The following DPP6 variants were observed in gnomAD, a reference collection of about 807,000 sequenced individuals.
DPP6 encodes the protein A-type potassium channel modulatory protein DPP6.
Under a neutral mutation model 122.6 loss-of-function variants are expected in DPP6, and 69 were observed. The ratio of observed to expected loss-of-function variants is 0.56; its 90% CI spans 0.46 to 0.69. The LOEUF (loss-of-function observed/expected upper bound fraction) is 0.69, where lower values mean the gene tolerates loss of function less well. DPP6 is among the 30% of genes least tolerant of loss of function. The probability of loss-of-function intolerance (pLI) is 0.00; values close to 1 mark genes in which losing one functional copy is unlikely to be tolerated. For synonymous variants in DPP6, 418 were observed against 433.1 expected, an observed-to-expected ratio of 0.97 and a Z score of 0.43; for missense variants, 928 against 1,116.9, an observed-to-expected ratio of 0.83 and a Z score of 2.41.
At chr7:154,040,856 C>G (rs1361161391) in intron 1 of DPP6, among the ~76,000 whole-genome samples, 1 of 149,176 alleles carries the variant, frequency 6.7e-6, no homozygotes, top group Non-Finnish European at 1.5e-5. Flanking sequence ...CCTCCTGCCC[C>G]GGGAAGAGGA....
intron 5 of DPP6, among the ~76,000 whole-genome samples, chr7:154,619,257 G>T (rs987231600): frequency 6.6e-6 from 1 of 152,166 alleles, no homozygotes; most frequent in Non-Finnish European, 1.5e-5. Flanking sequence ...CCATGTTCAT[G>T]ACTCCAAAGG....
intron 1 of DPP6, among the ~76,000 whole-genome samples, chr7:153,990,388 A>G (rs2129041975): frequency 1.6e-5 from 1 of 63,612 alleles, no homozygotes; most frequent in East Asian, 3.6e-4. Context: ...AGCAGAGAGA[A>G]CAATTTAAAT....
chr7:153,905,355 T>G (rs1194517410), intron 1 of DPP6, among the ~76,000 whole-genome samples: 1 of 150,260 alleles, frequency 6.7e-6, no homozygotes, highest in Non-Finnish European at 1.5e-5. Flanking sequence ...GGAGGGGGAG[T>G]GGGGAGAAAT....
intron 3 of DPP6, among the ~76,000 whole-genome samples, chr7:154,526,734 T>C (rs997740904): frequency 2.0e-5 from 3 of 152,200 alleles, no homozygotes; most frequent in Non-Finnish European, 4.4e-5. Context: ...TGATTCTTCT[T>C]ATAACTTGCC....
Position 154,879,383 on chromosome 7 carries a change from A to G in DPP6, c.2079-1505A>G, listed in dbSNP as rs1365326748. 7.2e-5 allele frequency among the ~76,000 whole-genome samples: 9 copies of G among 124,908 alleles called. 1 individual carries two copies. The highest frequency in any genetic ancestry group is 4.0e-3 in the Middle Eastern group (1 of 252). The allele number at this position is 124,908 out of a possible 152,430, so 81.9% of individuals were successfully genotyped here. On this transcript the variant is annotated intron_variant, in intron 20 of 25. Coordinates refer to ENST00000377770, the MANE Select transcript of DPP6 (RefSeq NM_130797.4). ...ATCACGAGGTCAGGAGATCGAGACC[A>G]TCCTGGCTAACACGGTGAAACCCCG...
At chr7:154,673,828 T>C (rs574141355) in intron 7 of DPP6, among the ~76,000 whole-genome samples, 9 of 152,264 alleles carry the variant, frequency 5.9e-5, no homozygotes, top group African/African-American at 2.2e-4. Flanking sequence ...CTTTCCTCAT[T>C]GTGTCCTCTT....
At position 154,863,286 on chromosome 7, in the gene DPP6, T is replaced by C. The variant is rs1020174273; in HGVS notation, c.1715-4709T>C. On this transcript the variant is annotated intron_variant, in intron 17 of 25. Coordinates refer to ENST00000377770, the MANE Select transcript of DPP6 (RefSeq NM_130797.4). This position sits in a 1 kb window ranked among gnomAD's most constrained non-coding sequence, Gnocchi z 4.1. Reference sequence around the variant, plus strand: ...ATATGTGGAGGGAAGGACAATATGATTTTAAGAAATGTAATATTTAGCATC... The same window carrying C: ...ATATGTGGAGGGAAGGACAATATGACTTTAAGAAATGTAATATTTAGCATC... 5.3e-5 allele frequency among the ~76,000 whole-genome samples: 8 copies of C among 151,626 alleles called. No individual in the cohort carries two copies. The highest frequency in any genetic ancestry group is 1.2e-4 in the Non-Finnish European group (8 of 68,024).
the DPP6 span, among the ~76,000 whole-genome samples, chr7:153,806,105 A>G: frequency 6.6e-6 from 1 of 151,910 alleles, no homozygotes; most frequent in Non-Finnish European, 1.5e-5. Context: ...TTGGCAGCTC[A>G]GGACCATTTT....
At chr7:154,233,940 C>T (rs150515132) in intron 1 of DPP6, among the ~76,000 whole-genome samples, 6 of 152,304 alleles carry the variant, frequency 3.9e-5, no homozygotes, top group Admixed American at 3.9e-4. Context: ...TTGGATTACT[C>T]TGGCTCAGCC....
intron 1 of DPP6, among the ~76,000 whole-genome samples, chr7:154,127,674 C>CACACACACACAT (rs1244574560): frequency 1.4e-5 from 2 of 148,040 alleles, no homozygotes; most frequent in African/African-American, 5.0e-5. Flanking sequence ...CACACACACA[C>CACACACACACAT]ACAAAACAGC....
rs191768574 is a variant in DPP6 at position 154,318,364 on chromosome 7, T to G, written c.244-127850T>G. 2.0e-5 allele frequency among the ~76,000 whole-genome samples: 3 copies of G among 152,240 alleles called. No homozygotes were observed. In the East Asian group the frequency reaches 5.8e-4, roughly 29 times the overall value. ...TTCCTCACATTATCCTGTAAAGAGG[T>G]ATAATCGATTTAGAGATAATGAGAG... On this transcript the variant is annotated intron_variant, in intron 1 of 25. Coordinates refer to ENST00000377770, the MANE Select transcript of DPP6 (RefSeq NM_130797.4).
chr7:154,751,770 G>A (rs976819351), intron 8 of DPP6, among the ~76,000 whole-genome samples: 1 of 152,108 alleles, frequency 6.6e-6, no homozygotes, highest in Admixed American at 6.5e-5. Flanking sequence ...AGGCAGGGAC[G>A]GATAGGACTT....
chr7:154,691,784 A>G (rs1249873621), intron 7 of DPP6, among the ~76,000 whole-genome samples: 1 of 151,930 alleles, frequency 6.6e-6, no homozygotes, highest in Non-Finnish European at 1.5e-5. Context: ...GTGCCACTGC[A>G]CTCCAGCCTG....
intron 4 of DPP6, among the ~76,000 whole-genome samples, chr7:154,542,329 T>G (rs1828794140): frequency 6.6e-6 from 1 of 152,162 alleles, no homozygotes; most frequent in African/African-American, 2.4e-5. Context: ...GTTGTAGAAA[T>G]GGTTTTCTAA....
intron 1 of DPP6, among the ~76,000 whole-genome samples, chr7:154,071,735 C>G (rs1033140760): frequency 6.6e-6 from 1 of 152,148 alleles, no homozygotes; most frequent in African/African-American, 2.4e-5. Flanking sequence ...TGTTTGTGCC[C>G]GTATTTTATA....
chr7:154,586,220 A>G (rs1351634906), intron 5 of DPP6, among the ~76,000 whole-genome samples: 1 of 152,110 alleles, frequency 6.6e-6, no homozygotes, highest in East Asian at 1.9e-4. Flanking sequence ...GGGCACAGTG[A>G]TTCATGCCCA....
intron 1 of DPP6, among the ~76,000 whole-genome samples, chr7:153,957,514 A>G (rs1802515444): frequency 6.6e-6 from 1 of 152,218 alleles, no homozygotes. Flanking sequence ...AGTAAAGCTG[A>G]TGGGACTGTT....
the DPP6 span, among the ~76,000 whole-genome samples, chr7:153,792,883 A>G: frequency 6.6e-6 from 1 of 152,170 alleles, no homozygotes; most frequent in Admixed American, 6.6e-5. Flanking sequence ...TAAGTCTCAC[A>G]AGATCTGATG....
intron 1 of DPP6, among the ~76,000 whole-genome samples, chr7:154,227,655 A>C (rs1354845970): frequency 1.3e-5 from 2 of 151,122 alleles, no homozygotes; most frequent in African/African-American, 2.5e-5. Context: ...CCTGCCCCTC[A>C]CTCTGCTCCT....
Sources: gnomAD v4.1 joint callset for allele counts (sites outside exome capture counted in the v4.1 genomes callset) on GRCh38, gnomAD v4.1.1 for gene constraint, Gnocchi (gnomAD v3.1) non-coding constraint, MANE v1.5 for transcripts, NCBI Gene and HGNC (gene_info 2026-07-23, HGNC 2026-07-21) for gene names.